The following CRADD variants were observed in gnomAD, a reference collection of about 807,000 sequenced individuals.
CRADD encodes the protein death domain-containing protein CRADD.
CRADD carries 9 observed loss-of-function variants against 15.5 expected under a neutral mutation model. The observed-to-expected ratio is 0.58, with a 90% CI of 0.35 to 1.01. CRADD has a LOEUF of 1.01. Ranked by LOEUF, CRADD falls within the 50% of genes least tolerant of loss-of-function variation. CRADD has a pLI of 0.02. For missense variants in CRADD, 227 were observed against 250.3 expected (o/e 0.91, Z 0.63); for synonymous variants, 118 against 107.6 (o/e 1.10, Z -0.60).
intron 2 of CRADD, among the ~76,000 whole-genome samples, chr12:93,808,123 GTGAGCTGTGTAGAA>G (rs1318781370): frequency 6.6e-6 from 1 of 152,028 alleles, no homozygotes; most frequent in East Asian, 1.9e-4. Flanking sequence ...AGGTGGAGGA[GTGAGCTGTGTAGAA>G]GGAGCTGTGT....
At chr12:93,843,539 C>G (rs1397092695) in intron 2 of CRADD, among the ~76,000 whole-genome samples, 1 of 151,404 alleles carries the variant, frequency 6.6e-6, no homozygotes, top group African/African-American at 2.4e-5. Flanking sequence ...GCCACCAAGC[C>G]CAGCTAATTT....
At chr12:93,738,265 A>C (rs1481103104) in intron 2 of CRADD, 1 of 656,674 alleles carries the variant, frequency 1.5e-6, no homozygotes, top group East Asian at 2.7e-5. Flanking sequence ...GAAGGGCCAA[A>C]AGTGTCAGAC....
intron 2 of CRADD, among the ~76,000 whole-genome samples, chr12:93,698,549 A>G (rs1346824545): frequency 6.6e-6 from 1 of 152,178 alleles, no homozygotes; most frequent in Non-Finnish European, 1.5e-5. Context: ...TCTGCTGTTT[A>G]AAGTATTTTG....
chr12:93,820,624 AG>A (rs1295088068), intron 2 of CRADD, among the ~76,000 whole-genome samples: 1 of 151,888 alleles, frequency 6.6e-6, no homozygotes, highest in Non-Finnish European at 1.5e-5. Context: ...TATGCAGCCC[AG>A]GGGCCAGATT....
intron 2 of CRADD, among the ~76,000 whole-genome samples, chr12:93,685,989 G>A (rs35885684): frequency 0.014 from 2,099 of 150,294 alleles, 20 homozygotes; most frequent in Non-Finnish European, 0.019. Flanking sequence ...GCGAAACTTC[G>A]TCTAAAAAAC....
At chr12:93,757,245 G>A (rs940554391) in intron 2 of CRADD, among the ~76,000 whole-genome samples, 6 of 152,074 alleles carry the variant, frequency 3.9e-5, no homozygotes, top group Non-Finnish European at 5.9e-5. Context: ...TCATTATGCC[G>A]AAGACCATAT....
chr12:93,871,229 T>C (rs1958416312), intron 2 of CRADD, among the ~76,000 whole-genome samples: 1 of 152,178 alleles, frequency 6.6e-6, no homozygotes, highest in South Asian at 2.1e-4. Flanking sequence ...TACTAATGAC[T>C]CCCTGTCATC....
At chr12:93,865,380 T>A (rs937226405) in intron 2 of CRADD, among the ~76,000 whole-genome samples, 4 of 152,168 alleles carry the variant, frequency 2.6e-5, no homozygotes, top group African/African-American at 9.7e-5. Context: ...TATAAAATGA[T>A]GTAGTATTGG....
intron 2 of CRADD, among the ~76,000 whole-genome samples, chr12:93,888,452 CA>C (rs1234093968): frequency 2.0e-5 from 3 of 150,806 alleles, no homozygotes; most frequent in Non-Finnish European, 4.4e-5. Flanking sequence ...ATAGAGATGG[CA>C]GATAGATGGG....
At chr12:93,680,801 C>T (rs957576506) in intron 2 of CRADD, among the ~76,000 whole-genome samples, 47 of 152,274 alleles carry the variant, frequency 3.1e-4, no homozygotes, top group African/African-American at 9.9e-4. Context: ...GAAAGCCTTT[C>T]ACTATCAAAA....
intron 2 of CRADD, among the ~76,000 whole-genome samples, chr12:93,783,260 ATT>A (rs1199716976): frequency 1.4e-5 from 2 of 147,482 alleles, no homozygotes; most frequent in East Asian, 1.9e-4. Flanking sequence ...TATTATTATT[ATT>A]ATTATTATTA....
chr12:93,706,642 T>A (rs1955957497), intron 2 of CRADD, among the ~76,000 whole-genome samples: 1 of 152,150 alleles, frequency 6.6e-6, no homozygotes, highest in Admixed American at 6.5e-5. Context: ...CTGATGGGGG[T>A]AAAACTGCCT....
At chr12:93,716,594 C>T (rs931299477) in intron 2 of CRADD, among the ~76,000 whole-genome samples, 4 of 152,176 alleles carry the variant, frequency 2.6e-5, no homozygotes, top group East Asian at 1.9e-4. Context: ...CATAGTTTTG[C>T]GTTTCTAGAC....
At chr12:93,807,017 AAGT>A (rs1248296722) in intron 2 of CRADD, among the ~76,000 whole-genome samples, 10 of 152,124 alleles carry the variant, frequency 6.6e-5, no homozygotes, top group Admixed American at 4.6e-4. Context: ...GAGAGACAGA[AAGT>A]GCTAAGGCTT....
chr12:93,695,980 A>G (rs1955695613), intron 2 of CRADD, among the ~76,000 whole-genome samples: 1 of 152,244 alleles, frequency 6.6e-6, no homozygotes, highest in African/African-American at 2.4e-5. Flanking sequence ...AGGTATATGA[A>G]AAAATGATCA....
intron 2 of CRADD, among the ~76,000 whole-genome samples, chr12:93,751,974 A>AACC (rs1956833561): frequency 1.3e-5 from 2 of 152,182 alleles, no homozygotes; most frequent in Admixed American, 1.3e-4. Flanking sequence ...CATTTTTCAT[A>AACC]CTGTAGTTAC....
At chr12:93,755,254 G>A (rs1177247327) in intron 2 of CRADD, among the ~76,000 whole-genome samples, 4 of 152,066 alleles carry the variant, frequency 2.6e-5, no homozygotes, top group African/African-American at 9.7e-5. Context: ...TATTTGGGTG[G>A]GGACACAGCC....
At chr12:93,816,289 T>C (rs1957695710) in intron 2 of CRADD, among the ~76,000 whole-genome samples, 1 of 152,078 alleles carries the variant, frequency 6.6e-6, no homozygotes, top group African/African-American at 2.4e-5. Context: ...CGATCTCAGC[T>C]CACTGCAGCC....
chr12:93,866,992 G>A (rs1341871245), intron 2 of CRADD, among the ~76,000 whole-genome samples: 1 of 152,118 alleles, frequency 6.6e-6, no homozygotes, highest in African/African-American at 2.4e-5. Context: ...GGAAAGAGGG[G>A]TTAATTTTCT....
Sources: allele counts gnomAD v4.1 joint callset (sites outside exome capture counted in the v4.1 genomes callset), GRCh38; gene constraint gnomAD v4.1.1; transcripts MANE v1.5; gene names NCBI Gene and HGNC (gene_info 2026-07-23, HGNC 2026-07-21).